The following C1orf54 variants were observed in gnomAD, a reference collection of about 807,000 sequenced individuals.
The protein encoded by C1orf54 is uncharacterized protein C1orf54.
C1orf54 carries 12 observed loss-of-function variants against 14.7 expected under a neutral mutation model. That is an observed-to-expected ratio of 0.82 (90% CI 0.52 to 1.32). C1orf54 has a LOEUF of 1.32. Ranked by LOEUF, C1orf54 falls within the 40% of genes most tolerant of loss-of-function variation. C1orf54 has a pLI of 0.00. For missense variants in C1orf54, 163 were observed against 162.2 expected (o/e 1.00, Z -0.03); for synonymous variants, 65 against 56.3 (o/e 1.16, Z -0.70).
In C1orf54 at chr1:150,276,524, C is replaced by T. The variant is rs2101875588; in HGVS notation, c.192C>T (p.Asn64=). 1.2e-6 allele frequency: 2 copies of T among 1,611,902 alleles called. No homozygotes were observed. The highest frequency in any genetic ancestry group is 1.7e-6 in the Non-Finnish European group (2 of 1,178,088). Residue 64 remains asparagine (N), a splice_region_variant and synonymous_variant, in exon 4 of 6, where the codon AAC becomes AAT. Coordinates refer to ENST00000369099, the MANE Select transcript of C1orf54 (RefSeq NM_024579.4). The part of the protein sequence containing the change: ...YSIFESEDRL[N]RLDKDITEAI... ...TTCCCAAATCCTACTGAGGGTAGAACAGGTTGGATAAGGACATAACAGAAG... is the reference window on the plus strand; with the variant it reads ...TTCCCAAATCCTACTGAGGGTAGAATAGGTTGGATAAGGACATAACAGAAG...
upstream of C1orf54, chr1:150,268,860 G>T: frequency 1.3e-6 from 2 of 1,532,742 alleles, no homozygotes; most frequent in South Asian, 1.2e-5. Context: ...ACAGGCAAAT[G>T]GGAGGGGCGC....
At chr1:150,280,612 A>C (rs1042366313) in intron 5 of C1orf54, among the ~76,000 whole-genome samples, 1 of 152,178 alleles carries the variant, frequency 6.6e-6, no homozygotes, top group Admixed American at 6.6e-5. Flanking sequence ...ATAGGAAAAG[A>C]ATTTTTAAAT....
chr1:150,273,090 C>T (rs1390021630), intron 1 of C1orf54, among the ~76,000 whole-genome samples: 8 of 152,134 alleles, frequency 5.3e-5, no homozygotes, highest in African/African-American at 1.9e-4. Flanking sequence ...GAGCTCCAGA[C>T]ACAAGGAGGC....
At chr1:150,268,860 G>A (rs1421869601), upstream of C1orf54, 15 of 1,532,628 alleles carry the variant, frequency 9.8e-6, no homozygotes, top group African/African-American at 1.4e-5. Flanking sequence ...ACAGGCAAAT[G>A]GGAGGGGCGC....
chr1:150,276,649 T>C lies in C1orf54; in HGVS notation c.300+17T>C, dbSNP rs1022713665. 5.6e-6 allele frequency: 9 copies of C among 1,598,356 alleles called. No homozygotes were observed. The highest frequency in any genetic ancestry group is 3.3e-5 in the South Asian group (3 of 90,734). On this transcript the variant is annotated intron_variant, in intron 4 of 5. Transcript: ENST00000369099. ...ACGGAACCTGTGAGTTGATTGGGGA[T>C]TGGGGGCTGGGGGGAGACAGGACAT...
upstream of C1orf54, among the ~76,000 whole-genome samples, chr1:150,272,057 T>C (rs782780461): frequency 1.3e-5 from 2 of 151,810 alleles, no homozygotes; most frequent in Non-Finnish European, 2.9e-5. Context: ...GGAGAATCAC[T>C]GGAACCCGGG....
intron 4 of C1orf54, among the ~76,000 whole-genome samples, chr1:150,277,604 G>A (rs1348791162): frequency 6.6e-6 from 1 of 151,588 alleles, no homozygotes; most frequent in Non-Finnish European, 1.5e-5. Flanking sequence ...TTGAAGGAGA[G>A]GGTATATGGA....
At chr1:150,270,995 C>CAAAAAA (rs782157892), upstream of C1orf54, among the ~76,000 whole-genome samples, 1 of 94,590 alleles carries the variant, frequency 1.1e-5, no homozygotes, top group Non-Finnish European at 2.0e-5. Context: ...GACTCCGTCT[C>CAAAAAA]AAAAAAAAAA....
intron 2 of C1orf54, among the ~76,000 whole-genome samples, chr1:150,274,585 G>GC (rs1652482136): frequency 9.2e-6 from 1 of 108,552 alleles, no homozygotes; most frequent in African/African-American, 3.7e-5. Flanking sequence ...GGGTGACAGA[G>GC]CAAGACTCCA....
At chr1:150,270,824 G>A (rs1035930516), upstream of C1orf54, among the ~76,000 whole-genome samples, 3 of 148,264 alleles carry the variant, frequency 2.0e-5, no homozygotes, top group Non-Finnish European at 1.5e-5. Context: ...ATGAAACCCC[G>A]TTTCTACTAA....
At chr1:150,280,765 G>GT in intron 5 of C1orf54, 70 bp from the exon 6 acceptor site, 1 of 1,234,972 alleles carries the variant, frequency 8.1e-7, no homozygotes, top group Non-Finnish European at 1.2e-6. Context: ...TCCATAGAGT[G>GT]TGGGGGGCAT....
chr1:150,269,052 C>T, upstream of C1orf54: 1 of 462,502 alleles, frequency 2.2e-6, no homozygotes, highest in Non-Finnish European at 4.0e-6. Context: ...CGGCCACCTC[C>T]CATCTAATCC....
At chr1:150,273,894 T>A (rs1051803450) in intron 1 of C1orf54, among the ~76,000 whole-genome samples, 193 bp from the exon 2 acceptor site, 1 of 151,988 alleles carries the variant, frequency 6.6e-6, no homozygotes, top group Non-Finnish European at 1.5e-5. Context: ...TCATTACAGA[T>A]ATGGATCCCA....
At chr1:150,273,290 T>A (rs1302632353) in intron 1 of C1orf54, among the ~76,000 whole-genome samples, 1 of 152,184 alleles carries the variant, frequency 6.6e-6, no homozygotes, top group Non-Finnish European at 1.5e-5. Context: ...GGGTGACCTT[T>A]AGGGTAGTGG....
chr1:150,268,768 C>T (rs1651975392), upstream of C1orf54: 1 of 1,613,784 alleles, frequency 6.2e-7, no homozygotes, highest in East Asian at 2.2e-5. Context: ...AAGGCCGGGC[C>T]GAACGCGACG....
chr1:150,276,245 CA>C (rs781907637), intron 3 of C1orf54, among the ~76,000 whole-genome samples: 3 of 151,998 alleles, frequency 2.0e-5, no homozygotes, highest in African/African-American at 4.8e-5. Context: ...GTAGTAGGCC[CA>C]AAACAGATTT....
upstream of C1orf54, chr1:150,268,820 G>C (rs782211972): frequency 1.9e-6 from 3 of 1,608,216 alleles, no homozygotes; most frequent in African/African-American, 4.0e-5. Context: ...TGGCTGGTCA[G>C]GTGGGAAGGG....
chr1:150,269,091 GC>G (rs1553850722), upstream of C1orf54: 61 of 376,566 alleles, frequency 1.6e-4, no homozygotes, highest in Non-Finnish European at 2.9e-4. Flanking sequence ...TGGAGAATCA[GC>G]GCGGGCGGAG....
chr1:150,275,938 A>T, intron 3 of C1orf54, 139 bp downstream of exon 3: 2 of 666,976 alleles, frequency 3.0e-6, no homozygotes, highest in Non-Finnish European at 2.5e-6. Context: ...AGAGTTTGAG[A>T]CCAGCCTGGC....
Sources: gnomAD v4.1 joint callset for allele counts (sites outside exome capture counted in the v4.1 genomes callset) on GRCh38, gnomAD v4.1.1 for gene constraint, MANE v1.5 for transcripts, NCBI Gene and HGNC (gene_info 2026-07-23, HGNC 2026-07-21) for gene names.